Variants in IMMP2L observed in about 807,000 individuals in gnomAD.
The protein encoded by IMMP2L is inner mitochondrial membrane peptidase subunit 2, also known as mitochondrial inner membrane protease subunit 2.
A neutral mutation model predicts 19.3 loss-of-function variants in IMMP2L; 18 were observed. The ratio of observed to expected loss-of-function variants is 0.93; its 90% CI spans 0.64 to 1.38. IMMP2L has a LOEUF of 1.38. Ranked by LOEUF, IMMP2L falls within the 40% of genes most tolerant of loss-of-function variation. IMMP2L has a pLI of 0.00. For synonymous variants in IMMP2L, 76 were observed against 73.0 expected, an observed-to-expected ratio of 1.04 and a Z score of -0.21; for missense variants, 233 against 218.2, an observed-to-expected ratio of 1.07 and a Z score of -0.43.
intron 3 of IMMP2L, among the ~76,000 whole-genome samples, chr7:111,379,993 A>C (rs1831044604): frequency 6.6e-6 from 1 of 151,996 alleles, no homozygotes; most frequent in Non-Finnish European, 1.5e-5. Context: ...AAAAATCAAA[A>C]GTAAGTTACT....
chr7:111,139,955 C>T (rs1352848542), intron 3 of IMMP2L, among the ~76,000 whole-genome samples: 1 of 152,068 alleles, frequency 6.6e-6, no homozygotes, highest in Non-Finnish European at 1.5e-5. Flanking sequence ...TACCTCCTAG[C>T]CTTCCATGGT....
At chr7:111,019,467 G>C (rs915214937) in intron 3 of IMMP2L, among the ~76,000 whole-genome samples, 5 of 152,166 alleles carry the variant, frequency 3.3e-5, no homozygotes, top group Admixed American at 6.5e-5. Context: ...TGGGAGCACT[G>C]GCAGGAGTGA....
chr7:110,928,764 C>T (rs979485414), intron 4 of IMMP2L, among the ~76,000 whole-genome samples: 2 of 152,144 alleles, frequency 1.3e-5, no homozygotes, highest in East Asian at 3.9e-4. Flanking sequence ...ACCAACTGCT[C>T]TATAAACTTG....
At chr7:110,888,820 C>T (rs1810487187) in intron 4 of IMMP2L, among the ~76,000 whole-genome samples, 1 of 152,066 alleles carries the variant, frequency 6.6e-6, no homozygotes, top group Non-Finnish European at 1.5e-5. Flanking sequence ...TTTTATGTCC[C>T]TCCACTAGAA....
chr7:111,401,169 C>T (rs1014756463), intron 3 of IMMP2L, among the ~76,000 whole-genome samples: 1 of 152,094 alleles, frequency 6.6e-6, no homozygotes, highest in Non-Finnish European at 1.5e-5. Context: ...ATCTAAAATG[C>T]AATCCAATAA....
chr7:111,479,289 T>G (rs1841979285), intron 3 of IMMP2L, among the ~76,000 whole-genome samples: 1 of 152,174 alleles, frequency 6.6e-6, no homozygotes. Flanking sequence ...TCTTAGATCT[T>G]TAGCTCTTGG....
intron 5 of IMMP2L, among the ~76,000 whole-genome samples, chr7:110,744,337 G>A (rs1402763145): frequency 6.6e-6 from 1 of 152,210 alleles, no homozygotes; most frequent in Non-Finnish European, 1.5e-5. Context: ...AGACTTAAAC[G>A]TCCCTACCTG....
intron 4 of IMMP2L, among the ~76,000 whole-genome samples, chr7:110,946,702 A>G (rs1007014259): frequency 5.9e-5 from 9 of 151,634 alleles, no homozygotes; most frequent in African/African-American, 2.2e-4. Context: ...AAAACTGTTA[A>G]GAAAACATTT....
At chr7:111,135,926 C>T (rs1297531713) in intron 3 of IMMP2L, among the ~76,000 whole-genome samples, 2 of 152,122 alleles carry the variant, frequency 1.3e-5, no homozygotes, top group East Asian at 3.9e-4. Context: ...GCTTCAGTGC[C>T]CATCCTGTTA....
chr7:111,153,899 T>G (rs1426915029), intron 3 of IMMP2L, among the ~76,000 whole-genome samples: 3 of 152,068 alleles, frequency 2.0e-5, no homozygotes, highest in African/African-American at 7.2e-5. Flanking sequence ...TTGTACCAAA[T>G]CTAGTTAGAT....
At chr7:111,104,616 A>G (rs1250288896) in intron 3 of IMMP2L, among the ~76,000 whole-genome samples, 1 of 151,758 alleles carries the variant, frequency 6.6e-6, no homozygotes, top group African/African-American at 2.4e-5. Flanking sequence ...TAATCCCCCT[A>G]TCTAGTCTTT....
intron 2 of IMMP2L, among the ~76,000 whole-genome samples, chr7:111,490,072 A>G (rs1842966216): frequency 6.8e-6 from 1 of 146,392 alleles, no homozygotes; most frequent in Non-Finnish European, 1.5e-5. Context: ...CTGTCATTAC[A>G]CACGTGAGCC....
intron 3 of IMMP2L, among the ~76,000 whole-genome samples, chr7:111,025,042 G>A (rs1253743293): frequency 6.6e-6 from 1 of 152,084 alleles, no homozygotes; most frequent in South Asian, 2.1e-4. Context: ...GAATGGAAAT[G>A]GTTCATCTAT....
At chr7:110,918,178 A>T (rs536840016) in intron 4 of IMMP2L, among the ~76,000 whole-genome samples, 3 of 152,326 alleles carry the variant, frequency 2.0e-5, no homozygotes, top group Non-Finnish European at 4.4e-5. Context: ...AAGATAGTGT[A>T]AACCATTAGA....
chr7:111,481,240 G>A (rs747100813), intron 3 of IMMP2L, among the ~76,000 whole-genome samples: 19 of 152,100 alleles, frequency 1.2e-4, no homozygotes, highest in Non-Finnish European at 1.0e-4. Flanking sequence ...ACAGAAATGG[G>A]AGTAAAATAA....
At chr7:111,226,888 G>A (rs1193233225) in intron 3 of IMMP2L, among the ~76,000 whole-genome samples, 2 of 152,036 alleles carry the variant, frequency 1.3e-5, no homozygotes, top group Non-Finnish European at 2.9e-5. Flanking sequence ...ACAGAATGGA[G>A]AGAGCTACAT....
chr7:111,075,312 G>C (rs773472408), intron 3 of IMMP2L, among the ~76,000 whole-genome samples: 1 of 151,836 alleles, frequency 6.6e-6, no homozygotes, highest in Non-Finnish European at 1.5e-5. Context: ...GTTTTTAGTA[G>C]AGATGGGGTT....
chr7:110,677,793 G>A (rs1281292281), intron 5 of IMMP2L, among the ~76,000 whole-genome samples: 1 of 152,016 alleles, frequency 6.6e-6, no homozygotes, highest in Admixed American at 6.6e-5. Context: ...GGAGGCTCTG[G>A]AAAAAAATGG....
chr7:110,804,230 T>C (rs1032379807), intron 5 of IMMP2L, among the ~76,000 whole-genome samples: 1 of 152,060 alleles, frequency 6.6e-6, no homozygotes, highest in African/African-American at 2.4e-5. Context: ...TTTATTTAAA[T>C]GCTAGATCCT....
Sources: allele counts gnomAD v4.1 joint callset (sites outside exome capture counted in the v4.1 genomes callset), GRCh38; gene constraint gnomAD v4.1.1; transcripts MANE v1.5; gene names NCBI Gene and HGNC (gene_info 2026-07-23, HGNC 2026-07-21).